Variants in DISC1 observed in about 807,000 individuals in gnomAD.
DISC1 encodes disrupted in schizophrenia 1 protein.
DISC1 carries 57 observed loss-of-function variants against 84.5 expected under a neutral mutation model. The ratio of observed to expected loss-of-function variants is 0.67; its 90% CI spans 0.55 to 0.84. The LOEUF is 0.84. DISC1 is among the 40% of genes least tolerant of loss of function. The probability of loss-of-function intolerance (pLI) is 0.00; values close to 1 mark genes in which losing one functional copy is unlikely to be tolerated. For synonymous variants in DISC1, 411 were observed against 415.2 expected (o/e 0.99, Z 0.12); for missense variants, 1,000 against 1,057.8 (o/e 0.95, Z 0.76).
intron 3 of DISC1, among the ~76,000 whole-genome samples, chr1:231,729,630 C>T (rs2812388): frequency 0.71 from 108,533 of 152,020 alleles, 39,387 homozygotes; most frequent in Middle Eastern, 0.82. Context: ...TATTCTAGCA[C>T]GCTTTATGCC....
chr1:231,791,737 G>A (rs1309833953), intron 6 of DISC1, among the ~76,000 whole-genome samples: 1 of 152,212 alleles, frequency 6.6e-6, no homozygotes, highest in Non-Finnish European at 1.5e-5. Flanking sequence ...TTTTTAAAAA[G>A]TGGGGATTGG....
intron 9 of DISC1, among the ~76,000 whole-genome samples, chr1:231,922,172 G>A (rs1308358209): frequency 6.6e-6 from 1 of 152,104 alleles, no homozygotes; most frequent in Non-Finnish European, 1.5e-5. Flanking sequence ...CTAAAGAATA[G>A]CATGAATGCC....
Position 231,773,539 on chromosome 1 carries a change from C to A in DISC1, c.1634+2469C>A, listed in dbSNP as rs147243969. 6.9e-3 allele frequency among the ~76,000 whole-genome samples: 1,055 copies of A among 152,078 alleles called. 12 individuals are homozygous for A. Among genetic ancestry groups the A allele is most frequent in the African/African-American group, 0.024 (986 of 41,548 alleles). On this transcript the variant is annotated intron_variant, in intron 6 of 12. Transcript: ENST00000439617. ...AGCTGGGACTACAGGCTTGTGCCAG[C>A]ACACCCAGCTAATTTTTTGTATTTT...
intron 4 of DISC1, chr1:231,750,316 G>T: frequency 7.5e-7 from 1 of 1,327,380 alleles, no homozygotes; most frequent in Non-Finnish European, 9.6e-7. Flanking sequence ...CTTCTCAAGT[G>T]CAGCTGCATC....
At chr1:231,863,827 A>C (rs757052415) in intron 9 of DISC1, among the ~76,000 whole-genome samples, 3 of 152,196 alleles carry the variant, frequency 2.0e-5, no homozygotes, top group Non-Finnish European at 4.4e-5. Flanking sequence ...TTTCTCCAGG[A>C]ACAATGTGGA....
intron 3 of DISC1, among the ~76,000 whole-genome samples, chr1:231,735,090 G>C (rs534831530): frequency 6.6e-6 from 1 of 152,172 alleles, no homozygotes; most frequent in African/African-American, 2.4e-5. Context: ...AGCTGGCTTT[G>C]TAAGTAGAGA....
At chr1:231,927,011 T>C (rs1012529762) in intron 9 of DISC1, among the ~76,000 whole-genome samples, 2 of 152,256 alleles carry the variant, frequency 1.3e-5, no homozygotes, top group African/African-American at 4.8e-5. Flanking sequence ...CTAGGTACCG[T>C]GGCTTTCACT....
In DISC1 at chr1:231,694,276, C is replaced by T. The variant is rs765087160; in HGVS notation, c.518C>T (p.Ala173Val). Residue 173 changes from alanine (A) to valine (V), a missense_variant, in exon 2 of 13, where the codon GCA becomes GTA. By Grantham distance (64) the Ala-to-Val change is moderately conservative. This residue lies in a region of DISC1 where 292 missense variants were observed against 280.2 expected (regional missense o/e 1.04). Coordinates refer to ENST00000439617, the MANE Select transcript of DISC1 (RefSeq NM_018662.3). ...ACSDGARRVRAAGSLPSAELS... is the reference protein window; with the variant it reads ...ACSDGARRVRVAGSLPSAELS... ...AGCGATGGAGCAAGGCGTGTCCGGG[C>T]AGCAGGCTCTCTGCCATCAGCAGAG... 3.7e-6 allele frequency: 6 copies of T among 1,614,258 alleles called. No individual in the cohort carries two copies. In the East Asian group the frequency reaches 6.7e-5, roughly 18 times the overall value.
intron 9 of DISC1, among the ~76,000 whole-genome samples, chr1:231,863,075 A>G (rs906399779): frequency 2.6e-5 from 4 of 152,132 alleles, no homozygotes; most frequent in African/African-American, 9.7e-5. Flanking sequence ...TAAAAGACCA[A>G]CATGTCTTCA....
At chr1:232,035,717 G>T (rs368447213) in intron 12 of DISC1, among the ~76,000 whole-genome samples, 1 of 152,122 alleles carries the variant, frequency 6.6e-6, no homozygotes, top group South Asian at 2.1e-4. Flanking sequence ...GATGAAAGTG[G>T]ATCAATTTGC....
chr1:231,954,291 TATG>T lies in DISC1; in HGVS notation c.1982-4536_1982-4534del, dbSNP rs1172304142. Among the ~76,000 whole-genome samples, 1 of 152,222 alleles carries T rather than the reference TATG, an allele frequency of 6.6e-6. No homozygotes were observed. Among genetic ancestry groups the T allele is most frequent in the African/African-American group, 2.4e-5 (1 of 41,458 alleles). ...TTTTCTATTTAATTAGTGCCAAGTA[TATG>T]GTCTTGCATGAAGGAGGACCCAGAT... On this transcript the variant is annotated intron_variant, in intron 9 of 12. Transcript: ENST00000439617. This position sits in a 1 kb window ranked among gnomAD's most constrained non-coding sequence, Gnocchi z 4.8.
chr1:231,760,790 G>A (rs572975158), intron 4 of DISC1, among the ~76,000 whole-genome samples: 2 of 152,292 alleles, frequency 1.3e-5, no homozygotes, highest in East Asian at 3.9e-4. Flanking sequence ...AGAGCCTTCT[G>A]AAGGTGGCCT....
At chr1:231,652,868 C>T (rs2060753903) in intron 1 of DISC1, among the ~76,000 whole-genome samples, 1 of 152,212 alleles carries the variant, frequency 6.6e-6, no homozygotes, top group Non-Finnish European at 1.5e-5. Flanking sequence ...CAACCTCCAC[C>T]TACCTGGTTC....
intron 10 of DISC1, among the ~76,000 whole-genome samples, chr1:231,962,053 C>CTTTT (rs1263179335): frequency 6.6e-6 from 1 of 152,148 alleles, no homozygotes; most frequent in Non-Finnish European, 1.5e-5. Context: ...TGTTTTTTGG[C>CTTTT]TTTTTAATAA....
intron 2 of DISC1, among the ~76,000 whole-genome samples, chr1:231,696,751 C>T (rs2065763615): frequency 6.6e-6 from 1 of 152,210 alleles, no homozygotes; most frequent in Non-Finnish European, 1.5e-5. Context: ...TCAGTACAGT[C>T]ACATGCTGCA....
At chr1:231,900,979 A>T (rs2088129646) in intron 9 of DISC1, among the ~76,000 whole-genome samples, 6 of 152,224 alleles carry the variant, frequency 3.9e-5, no homozygotes, top group Admixed American at 3.9e-4. Context: ...GGCAGAAGTC[A>T]GCCACATACA....
chr1:231,921,585 A>G (rs913256942), intron 9 of DISC1, among the ~76,000 whole-genome samples: 5 of 152,128 alleles, frequency 3.3e-5, no homozygotes, highest in Non-Finnish European at 5.9e-5. Context: ...TCAAAAAGTC[A>G]ACTTAAAGAA....
chr1:232,019,034 C>G (rs1668720510), intron 11 of DISC1, among the ~76,000 whole-genome samples: 1 of 152,178 alleles, frequency 6.6e-6, no homozygotes, highest in South Asian at 2.1e-4. Context: ...ACAGGAGTCT[C>G]CATTCATTAC....
At chr1:231,903,934 A>G (rs981421382) in intron 9 of DISC1, among the ~76,000 whole-genome samples, 2 of 152,208 alleles carry the variant, frequency 1.3e-5, no homozygotes, top group Non-Finnish European at 2.9e-5. Context: ...GAGACTATAG[A>G]GAGTCAGGCT....
Sources: gnomAD v4.1 joint callset for allele counts (sites outside exome capture counted in the v4.1 genomes callset) on GRCh38, gnomAD v4.1.1 for gene constraint, gnomAD v4.1.1 regional missense constraint, Gnocchi (gnomAD v3.1) non-coding constraint, MANE v1.5 for transcripts, NCBI Gene and HGNC (gene_info 2026-07-23, HGNC 2026-07-21) for gene names.